The following KLHL1 variants were observed in gnomAD, a reference collection of about 807,000 sequenced individuals.
KLHL1 encodes the protein kelch-like protein 1.
In KLHL1, 47 loss-of-function variants were observed where a neutral mutation model predicts 77.7. The observed-to-expected ratio is 0.60, with a 90% CI of 0.48 to 0.77. The LOEUF (loss-of-function observed/expected upper bound fraction) is 0.77. Among genes scored for constraint, KLHL1 ranks in the 30% least tolerant of loss-of-function variants. The probability of loss-of-function intolerance (pLI) is 0.00; values close to 1 mark genes in which losing one functional copy is unlikely to be tolerated. For synonymous variants in KLHL1, 360 were observed against 325.2 expected, an observed-to-expected ratio of 1.11 and a Z score of -1.15; for missense variants, 925 against 910.8, an observed-to-expected ratio of 1.02 and a Z score of -0.20.
intron 4 of KLHL1, among the ~76,000 whole-genome samples, chr13:69,912,297 C>T (rs1183029847): frequency 6.6e-6 from 1 of 152,126 alleles, no homozygotes; most frequent in Non-Finnish European, 1.5e-5. Context: ...TCCATTTCTA[C>T]TAATAAACTG....
chr13:70,097,864 G>A (rs924449426), intron 1 of KLHL1, among the ~76,000 whole-genome samples: 1 of 146,566 alleles, frequency 6.8e-6, no homozygotes, highest in Non-Finnish European at 1.5e-5. Flanking sequence ...TTTAAAGAGG[G>A]CCTAGTGTTT....
At chr13:70,055,263 G>A (rs1886718225) in intron 1 of KLHL1, among the ~76,000 whole-genome samples, 1 of 152,026 alleles carries the variant, frequency 6.6e-6, no homozygotes, top group Admixed American at 6.6e-5. Flanking sequence ...AGGCCAATAT[G>A]TCAAATGACA....
rs1566329679 is a variant in KLHL1, at chr13:69,855,347, G to GAT, written c.1228-16186_1228-16185insAT. Among the ~76,000 whole-genome samples, 20 of 68,202 alleles carry GAT rather than the reference G, an allele frequency of 2.9e-4. 1 individual carries two copies. Among genetic ancestry groups the GAT allele is most frequent in the African/African-American group, 1.5e-3 (20 of 13,390 alleles). The allele number at this position is 68,202 out of a possible 152,430, so 44.7% of individuals were successfully genotyped here. ...AGATAGATAGATAGATAGATAGATA[G>GAT]ACAGACAGATAGATACATAGAGAGA... is the stretch of plus-strand genomic sequence containing the variant. On this transcript the variant is annotated intron_variant, in intron 5 of 10. Coordinates refer to ENST00000377844, the MANE Select transcript of KLHL1 (RefSeq NM_020866.3).
At chr13:69,839,802 T>G (rs995579315) in intron 5 of KLHL1, among the ~76,000 whole-genome samples, 6 of 152,004 alleles carry the variant, frequency 3.9e-5, no homozygotes, top group South Asian at 4.1e-4. Context: ...TTGTGTCTAT[T>G]TTTTGCTATA....
intron 7 of KLHL1, among the ~76,000 whole-genome samples, chr13:69,782,975 C>G (rs934535434): frequency 6.6e-6 from 1 of 152,182 alleles, no homozygotes; most frequent in Non-Finnish European, 1.5e-5. Flanking sequence ...TCCAGAGGAA[C>G]GATCAGGCAG....
chr13:69,808,698 C>A (rs1230550665), intron 6 of KLHL1, among the ~76,000 whole-genome samples: 1 of 151,976 alleles, frequency 6.6e-6, no homozygotes, highest in African/African-American at 2.4e-5. Context: ...TCAGTAGCTT[C>A]CAAGCAATGG....
chr13:69,749,536 A>G (rs1044193086), intron 7 of KLHL1, among the ~76,000 whole-genome samples: 1 of 152,012 alleles, frequency 6.6e-6, no homozygotes, highest in African/African-American at 2.4e-5. Context: ...GAATTTTTCT[A>G]TAGAAGTTTT....
Position 69,932,654 on chromosome 13 carries a change from C to T in KLHL1, c.1014+7386G>A, listed in dbSNP as rs74090605. On this transcript the variant is annotated intron_variant, in intron 4 of 10. Transcript: ENST00000377844. ...CTCTTAAAAAATTTAACCTACTGTA[C>T]CTAAGATATTTTTAATATATTGTGC... Among the ~76,000 whole-genome samples, 1,424 of 151,818 alleles carry T rather than the reference C, an allele frequency of 9.4e-3. 23 individuals are homozygous for T. The highest frequency in any genetic ancestry group is 0.033 in the African/African-American group (1,366 of 41,476).
chr13:69,887,415 C>T (rs923698565), intron 4 of KLHL1, among the ~76,000 whole-genome samples: 2 of 152,060 alleles, frequency 1.3e-5, no homozygotes, highest in Non-Finnish European at 2.9e-5. Context: ...TACAACAGGG[C>T]CAGGCTGATA....
At chr13:69,976,628 A>G (rs1362585876) in intron 1 of KLHL1, among the ~76,000 whole-genome samples, 1 of 152,052 alleles carries the variant, frequency 6.6e-6, no homozygotes, top group Non-Finnish European at 1.5e-5. Context: ...CTAAAATTAA[A>G]TATTAATTAG....
At chr13:69,743,662 T>G (rs539481749) in intron 7 of KLHL1, among the ~76,000 whole-genome samples, 30 of 152,066 alleles carry the variant, frequency 2.0e-4, no homozygotes, top group Non-Finnish European at 4.4e-4. Context: ...GATGCGTGCC[T>G]GTAATCCCAG....
chr13:70,077,201 A>C (rs1887286192), intron 1 of KLHL1, among the ~76,000 whole-genome samples: 1 of 152,042 alleles, frequency 6.6e-6, no homozygotes, highest in Admixed American at 6.6e-5. Context: ...TAAAACTAGA[A>C]GCAGTCAAGA....
intron 5 of KLHL1, among the ~76,000 whole-genome samples, chr13:69,870,145 T>C (rs1405259990): frequency 1.3e-5 from 2 of 152,204 alleles, no homozygotes; most frequent in African/African-American, 4.8e-5. Context: ...CTCACTATTC[T>C]GCACACTTTA....
chr13:69,829,790 T>G (rs1878689728), intron 6 of KLHL1, among the ~76,000 whole-genome samples: 1 of 150,228 alleles, frequency 6.7e-6, no homozygotes, highest in Non-Finnish European at 1.5e-5. Context: ...ATTGGGGTCT[T>G]ATCTTTAGCC....
intron 1 of KLHL1, among the ~76,000 whole-genome samples, chr13:70,037,848 T>A (rs1038349913): frequency 1.3e-5 from 2 of 152,154 alleles, no homozygotes; most frequent in African/African-American, 4.8e-5. Context: ...TTTGCCAATA[T>A]GTGTAGTATT....
intron 5 of KLHL1, among the ~76,000 whole-genome samples, chr13:69,866,236 C>T (rs752911814): frequency 2.0e-5 from 3 of 152,082 alleles, no homozygotes; most frequent in Non-Finnish European, 4.4e-5. Context: ...GAGAATAACA[C>T]ATTCATTATT....
chr13:70,077,082 T>A (rs1282282782), intron 1 of KLHL1, among the ~76,000 whole-genome samples: 2 of 151,908 alleles, frequency 1.3e-5, no homozygotes, highest in African/African-American at 2.4e-5. Context: ...TTAAAAAGCT[T>A]GACATAATTC....
intron 1 of KLHL1, among the ~76,000 whole-genome samples, chr13:70,092,398 ATG>A (rs1887689805): frequency 6.6e-6 from 1 of 152,050 alleles, no homozygotes; most frequent in South Asian, 2.1e-4. Context: ...TCACTACTCT[ATG>A]TGTTTCCAAA....
intron 7 of KLHL1, among the ~76,000 whole-genome samples, chr13:69,772,505 A>G (rs1344855251): frequency 6.6e-6 from 1 of 152,110 alleles, no homozygotes; most frequent in African/African-American, 2.4e-5. Context: ...AATCTAAACA[A>G]ATTAAGGCTG....
Sources: allele counts gnomAD v4.1 joint callset (sites outside exome capture counted in the v4.1 genomes callset), GRCh38; gene constraint gnomAD v4.1.1; transcripts MANE v1.5; gene names NCBI Gene and HGNC (gene_info 2026-07-23, HGNC 2026-07-21).